TARBP1: variants seen among roughly 807,000 people sequenced by gnomAD.
The protein encoded by TARBP1 is tRNA (guanosine(18)-2'-O)-methyltransferase TARBP1.
Under a neutral mutation model 178.6 loss-of-function variants are expected in TARBP1, and 144 were observed. The ratio of observed to expected loss-of-function variants is 0.81; its 90% CI spans 0.70 to 0.93. The LOEUF is 0.93. TARBP1 is among the 40% of genes least tolerant of loss of function. The pLI is 0.00. For missense variants in TARBP1, 2,067 were observed against 2,011.7 expected, an observed-to-expected ratio of 1.03 and a Z score of -0.53; for synonymous variants, 787 against 781.0, an observed-to-expected ratio of 1.01 and a Z score of -0.13.
At position 234,403,781 on chromosome 1, in the gene TARBP1, T is replaced by C. The variant is rs575968035; in HGVS notation, c.3989+2122A>G. 3.3e-5 allele frequency among the ~76,000 whole-genome samples: 5 copies of C among 152,308 alleles called. No homozygotes were observed. In the East Asian group the frequency reaches 9.7e-4, roughly 29 times the overall value. On this transcript the variant is annotated intron_variant, in intron 24 of 29. Transcript: ENST00000040877. ...TCACTGCAACCTCCACCTCCCGGGTTCAAGAGATTCTCCTGCCTCAGCCTC... is the reference window on the plus strand; with the variant it reads ...TCACTGCAACCTCCACCTCCCGGGTCCAAGAGATTCTCCTGCCTCAGCCTC...
At chr1:234,430,399 T>C in intron 14 of TARBP1, 98 bp from the exon 15 acceptor site, 1 of 1,027,882 alleles carries the variant, frequency 9.7e-7, no homozygotes, top group Non-Finnish European at 1.4e-6. Context: ...GCTCTCCTTT[T>C]CCCTCTTCCT....
intron 2 of TARBP1, among the ~76,000 whole-genome samples, chr1:234,472,329 CAAAAAAAA>C (rs1160411119): frequency 6.5e-5 from 3 of 46,082 alleles, no homozygotes; most frequent in Admixed American, 3.0e-4. Flanking sequence ...ACTCTGTCTC[CAAAAAAAA>C]AAAAAAAAAA....
At chr1:234,419,629 C>A (rs1662862733) in intron 21 of TARBP1, among the ~76,000 whole-genome samples, 1 of 152,132 alleles carries the variant, frequency 6.6e-6, no homozygotes, top group Non-Finnish European at 1.5e-5. Context: ...CTCTAGGAGA[C>A]CCTCTCCATT....
intron 3 of TARBP1, among the ~76,000 whole-genome samples, chr1:234,468,938 T>C (rs1668744850): frequency 6.6e-6 from 1 of 151,546 alleles, no homozygotes; most frequent in African/African-American, 2.4e-5. Flanking sequence ...CCCTCATATA[T>C]CTTACAATCA....
chr1:234,463,101 G>A (rs944137549), intron 6 of TARBP1, among the ~76,000 whole-genome samples: 2 of 150,312 alleles, frequency 1.3e-5, no homozygotes, highest in African/African-American at 4.9e-5. Context: ...CTAGGACAAG[G>A]TCTTACATAA....
At chr1:234,399,246 G>A (rs1009555310) in intron 25 of TARBP1, among the ~76,000 whole-genome samples, 4 of 152,186 alleles carry the variant, frequency 2.6e-5, no homozygotes, top group African/African-American at 9.7e-5. Context: ...AGAGGTCCAA[G>A]TAACAGGCAA....
rs1271980182 is a variant in TARBP1 at position 234,436,280 on chromosome 1, TAA to T, written c.2232+993_2232+994del. 3.3e-5 allele frequency among the ~76,000 whole-genome samples: 5 copies of T among 152,164 alleles called. No homozygotes were observed. In the East Asian group the frequency reaches 5.8e-4, roughly 18 times the overall value. On this transcript the variant is annotated intron_variant, in intron 13 of 29. Coordinates refer to ENST00000040877, the MANE Select transcript of TARBP1 (RefSeq NM_005646.4). ...AAACAGGTAAAAATAATACTGAGGA[TAA>T]AAAGTGGTATTGGAGCAAAACTTAA...
chr1:234,436,051 C>A (rs1664998481), intron 13 of TARBP1, among the ~76,000 whole-genome samples: 1 of 151,724 alleles, frequency 6.6e-6, no homozygotes, highest in African/African-American at 2.4e-5. Context: ...TAAAGAATGG[C>A]TTTTTCAAAA....
rs1023257030 is a variant in TARBP1, at chr1:234,427,318, T to C, written c.3322A>G (p.Asn1108Asp). ...HDCAANIVME[N>D]TKREDHYVRI... ...ACAGAGAAAATCTACCATACTTACT[T>C]TTCCATAACAATATTTGCCGCACAG... Residue 1108 changes from asparagine (N) to aspartate (D), a missense_variant and splice_region_variant, in exon 19 of 30, where the codon AAT becomes GAT. By Grantham distance (23) the Asn-to-Asp change is conservative (BLOSUM62 1). Transcript: ENST00000040877. The C allele has an allele frequency of 2.5e-6, 4 of 1,608,060 alleles. No homozygotes were observed. The highest frequency in any genetic ancestry group is 3.4e-6 in the Non-Finnish European group (4 of 1,176,496).
chr1:234,392,660 A>G (rs868792367), intron 28 of TARBP1, 108 bp from the exon 29 acceptor site: 3 of 998,338 alleles, frequency 3.0e-6, no homozygotes, highest in Non-Finnish European at 4.4e-6. Flanking sequence ...TTAAAAGAAA[A>G]AGGAGAGAAT....
intron 23 of TARBP1, among the ~76,000 whole-genome samples, chr1:234,408,183 G>A (rs781711041): frequency 1.3e-5 from 2 of 151,882 alleles, no homozygotes; most frequent in African/African-American, 2.4e-5. Flanking sequence ...ACACAACTAT[G>A]AGCATAATTA....
chr1:234,478,392 C>T lies in TARBP1; in HGVS notation c.712G>A (p.Glu238Lys). Reference protein sequence around the residue: ...EKLLVLSALAEKLLPEPGGDR... With the variant: ...EKLLVLSALAKKLLPEPGGDR... ...CCGCCGGGCTCGGGCAACAGCTTCT[C>T]GGCCAGGGCGCTCAGGACCAGCAGC... is the stretch of plus-strand genomic sequence containing the variant. Residue 238 changes from glutamate to lysine, a missense_variant, in exon 1 of 30, where the codon GAG becomes AAG. By Grantham distance (56) the Glu-to-Lys change is moderately conservative (BLOSUM62 1). Coordinates refer to ENST00000040877, the MANE Select transcript of TARBP1 (RefSeq NM_005646.4). 6.7e-6 allele frequency: 9 copies of T among 1,351,448 alleles called. No individual in the cohort carries two copies. The highest frequency in any genetic ancestry group is 7.6e-6 in the Non-Finnish European group (8 of 1,047,276). 83.7% of individuals were successfully genotyped at this position (1,351,448 alleles called of 1,614,324 possible).
At chr1:234,435,512 T>G (rs1035885413) in intron 13 of TARBP1, among the ~76,000 whole-genome samples, 1 of 152,136 alleles carries the variant, frequency 6.6e-6, no homozygotes, top group Non-Finnish European at 1.5e-5. Context: ...GAAGGATGCT[T>G]AAACCTGTTA....
Position 234,463,925 on chromosome 1 carries a change from G to A in TARBP1, c.1311C>T (p.Gly437=). The A allele has an allele frequency of 6.3e-7, 1 of 1,579,968 alleles. No homozygotes were observed. The highest frequency in any genetic ancestry group is 8.6e-7 in the Non-Finnish European group (1 of 1,163,920). Reference sequence around the variant, plus strand: ...ATGGAGAACAGCTTCCTATTGGCTGGCCTGGGGACCTACAAACAGAGAGTG... The same window carrying A: ...ATGGAGAACAGCTTCCTATTGGCTGACCTGGGGACCTACAAACAGAGAGTG... The part of the protein sequence containing the change: ...SESSLYSRSP[G]QPIGSCSPLG... The change falls in exon 6 of 30, where the codon GGC becomes GGT. Residue 437 remains glycine (G), a synonymous_variant. Coordinates refer to ENST00000040877, the MANE Select transcript of TARBP1 (RefSeq NM_005646.4).
intron 4 of TARBP1, among the ~76,000 whole-genome samples, chr1:234,466,682 G>A (rs1408366847): frequency 6.6e-6 from 1 of 152,032 alleles, no homozygotes; most frequent in African/African-American, 2.4e-5. Flanking sequence ...AGCCAAGATG[G>A]TGGAACCCCA....
chr1:234,454,476 A>G (rs932977425), intron 9 of TARBP1, among the ~76,000 whole-genome samples: 1 of 152,174 alleles, frequency 6.6e-6, no homozygotes, highest in African/African-American at 2.4e-5. Flanking sequence ...AAGGGAGAGT[A>G]GGAGGTCCAG....
chr1:234,434,131 T>A (rs926994932), intron 13 of TARBP1, among the ~76,000 whole-genome samples: 6 of 152,166 alleles, frequency 3.9e-5, no homozygotes, highest in African/African-American at 1.4e-4. Context: ...AGCCTTATTG[T>A]GTTAAGATCT....
chr1:234,467,675 G>T lies in TARBP1; in HGVS notation c.1100-25C>A, dbSNP rs375130899. 4.2e-5 allele frequency: 65 copies of T among 1,550,932 alleles called. No individual in the cohort carries two copies. The African/African-American group carries it at 8.7e-4, about 21-fold the overall frequency. On this transcript the variant is annotated intron_variant, in intron 3 of 29. Coordinates refer to ENST00000040877, the MANE Select transcript of TARBP1 (RefSeq NM_005646.4). The stretch of plus-strand genomic sequence containing the variant: ...CCTGTGGAAACAAACATCAAATGTT[G>T]ACATCTGATTCTGTCTTCATTTCAC...
At chr1:234,454,581 A>G (rs1035774946) in intron 9 of TARBP1, among the ~76,000 whole-genome samples, 12 of 152,220 alleles carry the variant, frequency 7.9e-5, no homozygotes, top group Middle Eastern at 3.2e-3. Context: ...TAAAATTTTC[A>G]TAAGTAAAAA....
Sources: allele counts gnomAD v4.1 joint callset (sites outside exome capture counted in the v4.1 genomes callset), GRCh38; gene constraint gnomAD v4.1.1; transcripts MANE v1.5; gene names NCBI Gene and HGNC (gene_info 2026-07-23, HGNC 2026-07-21).